TMTC1: variants seen among roughly 807,000 people sequenced by gnomAD.
TMTC1 encodes the protein protein O-mannosyl-transferase TMTC1.
A neutral mutation model predicts 104.8 loss-of-function variants in TMTC1; 73 were observed. The observed-to-expected ratio is 0.70, with a 90% CI of 0.58 to 0.85. The LOEUF (loss-of-function observed/expected upper bound fraction) is 0.85. Ranked by LOEUF, TMTC1 falls within the 40% of genes least tolerant of loss-of-function variation. The pLI is 0.00. For missense variants in TMTC1, 1,035 were observed against 1,096.1 expected, an observed-to-expected ratio of 0.94 and a Z score of 0.79; for synonymous variants, 434 against 428.7, an observed-to-expected ratio of 1.01 and a Z score of -0.15.
rs1375887857 is a variant in TMTC1, at chr12:29,599,987, T to TATAC, written c.1250+4190_1250+4191insGTAT. Among the ~76,000 whole-genome samples, 3 of 109,766 alleles carry TATAC rather than the reference T, an allele frequency of 2.7e-5. 1 individual carries two copies. Among genetic ancestry groups the TATAC allele is most frequent in the African/African-American group, 1.5e-4 (3 of 20,346 alleles). The allele number at this position is 109,766 out of a possible 152,430, so 72.0% of individuals were successfully genotyped here. Reference sequence around the variant, plus strand: ...ATATATATGTGTGTGTGTGTGTGTGTATATACATATATATATATATATTTT... The same window carrying TATAC: ...ATATATATGTGTGTGTGTGTGTGTGTATACATATACATATATATATATATATTTT... On this transcript the variant is annotated intron_variant, in intron 7 of 17. Coordinates refer to ENST00000539277, the MANE Select transcript of TMTC1 (RefSeq NM_001193451.2).
intron 1 of TMTC1, among the ~76,000 whole-genome samples, chr12:29,768,465 G>A (rs1405361519): frequency 6.6e-6 from 1 of 152,170 alleles, no homozygotes; most frequent in Non-Finnish European, 1.5e-5. Context: ...AGGGCCATGG[G>A]TCAGAGCCAC....
chr12:29,723,474 A>C (rs1942295260), intron 5 of TMTC1, among the ~76,000 whole-genome samples: 2 of 152,146 alleles, frequency 1.3e-5, no homozygotes. Flanking sequence ...TAATCCCAGC[A>C]CTTTGGGAGG....
chr12:29,544,297 A>G (rs11611194), intron 10 of TMTC1, among the ~76,000 whole-genome samples: 113,662 of 150,866 alleles, frequency 0.75, 42,979 homozygotes, highest in Middle Eastern at 0.87. Context: ...GAGTGGCGCA[A>G]AAGTGGCACT....
intron 2 of TMTC1, among the ~76,000 whole-genome samples, chr12:29,764,737 C>T (rs1422134046): frequency 1.3e-5 from 2 of 152,150 alleles, no homozygotes; most frequent in Non-Finnish European, 2.9e-5. Context: ...ACATCCTTCC[C>T]TAAATAACTA....
intron 9 of TMTC1, among the ~76,000 whole-genome samples, chr12:29,563,843 AAAC>A (rs1945440727): frequency 6.6e-6 from 1 of 152,206 alleles, no homozygotes; most frequent in African/African-American, 2.4e-5. Context: ...GGTAGAAGAG[AAAC>A]AGGAAAACCA....
At chr12:29,660,201 A>C (rs916100446) in intron 5 of TMTC1, among the ~76,000 whole-genome samples, 3 of 152,216 alleles carry the variant, frequency 2.0e-5, no homozygotes, top group African/African-American at 7.2e-5. Context: ...CTTTTAGTTC[A>C]TTCTTTTAGA....
intron 7 of TMTC1, among the ~76,000 whole-genome samples, chr12:29,595,943 T>C (rs1043101441): frequency 6.6e-6 from 1 of 152,186 alleles, no homozygotes; most frequent in Non-Finnish European, 1.5e-5. Context: ...TTAAGAACGT[T>C]AGAATCCTTC....
At chr12:29,610,018 G>A (rs2209660) in intron 6 of TMTC1, 65,437 of 152,320 alleles carry the variant, frequency 0.43, 14,455 homozygotes, top group African/African-American at 0.49. Context: ...GCCCCTTCAA[G>A]CCATCTGGTA....
chr12:29,737,767 G>A (rs1565804549), intron 5 of TMTC1, among the ~76,000 whole-genome samples: 2 of 152,284 alleles, frequency 1.3e-5, no homozygotes, highest in East Asian at 1.9e-4. Flanking sequence ...CCTGCTGAGC[G>A]AATGATATGA....
intron 1 of TMTC1, among the ~76,000 whole-genome samples, chr12:29,769,888 A>T (rs4931217): frequency 0.39 from 59,912 of 151,824 alleles, 12,370 homozygotes; most frequent in Admixed American, 0.54. Flanking sequence ...AGAAGTAACA[A>T]GAAAAGTTTG....
At chr12:29,722,467 T>G (rs1030548874) in intron 5 of TMTC1, among the ~76,000 whole-genome samples, 1 of 152,206 alleles carries the variant, frequency 6.6e-6, no homozygotes, top group Non-Finnish European at 1.5e-5. Context: ...CAAAGCTGCC[T>G]TCTTTCACTG....
At chr12:29,755,572 G>T in intron 4 of TMTC1, 137 bp downstream of exon 4, 1 of 694,100 alleles carries the variant, frequency 1.4e-6, no homozygotes, top group Non-Finnish European at 2.3e-6. Context: ...AATAAGCCTT[G>T]TTGATTACGT....
intron 6 of TMTC1, among the ~76,000 whole-genome samples, chr12:29,620,778 C>T (rs1937632837): frequency 6.6e-6 from 1 of 152,166 alleles, no homozygotes; most frequent in Non-Finnish European, 1.5e-5. Context: ...AACTGTGACC[C>T]ACATAGCAGA....
intron 3 of TMTC1, among the ~76,000 whole-genome samples, chr12:29,757,984 T>C (rs886896946): frequency 2.6e-5 from 4 of 152,134 alleles, no homozygotes; most frequent in Non-Finnish European, 5.9e-5. Flanking sequence ...AGATGAGATT[T>C]GGGAGTTACA....
chr12:29,656,982 G>T (rs184678921), intron 5 of TMTC1, among the ~76,000 whole-genome samples: 1 of 152,144 alleles, frequency 6.6e-6, no homozygotes, highest in Non-Finnish European at 1.5e-5. Context: ...AGGACCTTGG[G>T]ACAAGCACTT....
chr12:29,715,987 G>GCAT (rs1555191335), intron 5 of TMTC1, among the ~76,000 whole-genome samples: 8 of 130,170 alleles, frequency 6.1e-5, no homozygotes, highest in African/African-American at 2.4e-4. Context: ...GCCAAACTCA[G>GCAT]TATTATTATT....
At chr12:29,762,307 G>A (rs1189234436) in intron 2 of TMTC1, among the ~76,000 whole-genome samples, 1 of 152,182 alleles carries the variant, frequency 6.6e-6, no homozygotes, top group Non-Finnish European at 1.5e-5. Context: ...CAGGGTGGTT[G>A]TAATTCATGA....
chr12:29,685,930 TAAAAAAA>T (rs74950953), intron 5 of TMTC1, among the ~76,000 whole-genome samples: 1 of 129,188 alleles, frequency 7.7e-6, no homozygotes, highest in African/African-American at 2.8e-5. Flanking sequence ...GCAAGATTGT[TAAAAAAA>T]AAAAAAAAAA....
chr12:29,703,750 C>T (rs1175135962), intron 5 of TMTC1, among the ~76,000 whole-genome samples: 2 of 152,234 alleles, frequency 1.3e-5, no homozygotes, highest in African/African-American at 4.8e-5. Flanking sequence ...CCCAGCTTCT[C>T]TTTAAACTTT....
Sources: gnomAD v4.1 joint callset for allele counts (sites outside exome capture counted in the v4.1 genomes callset) on GRCh38, gnomAD v4.1.1 for gene constraint, MANE v1.5 for transcripts, NCBI Gene and HGNC (gene_info 2026-07-23, HGNC 2026-07-21) for gene names.